Variants in KAZN observed in about 807,000 individuals in gnomAD.
The protein encoded by KAZN is kazrin, periplakin interacting protein.
Under a neutral mutation model 87.4 loss-of-function variants are expected in KAZN, and 40 were observed. That is an observed-to-expected ratio of 0.46 (90% CI 0.36 to 0.60). The LOEUF is 0.60. Among genes scored for constraint, KAZN ranks in the 20% least tolerant of loss-of-function variants. The pLI is 0.00. For synonymous variants in KAZN, 466 were observed against 458.3 expected (o/e 1.02, Z -0.22); for missense variants, 898 against 1,073.9 (o/e 0.84, Z 2.29).
chr1:14,381,065 T>A (rs558709885), intron 2 of KAZN, among the ~76,000 whole-genome samples: 1 of 152,282 alleles, frequency 6.6e-6, no homozygotes, highest in African/African-American at 2.4e-5. Context: ...CCCATGGCCA[T>A]CATCCCACAG....
chr1:14,518,053 G>A (rs1011515071), intron 2 of KAZN, among the ~76,000 whole-genome samples: 1 of 152,116 alleles, frequency 6.6e-6, no homozygotes, highest in African/African-American at 2.4e-5. Context: ...CCCAAGGTCT[G>A]CCACTGACTG....
At chr1:14,887,587 T>C (rs915316276) in intron 1 of KAZN, among the ~76,000 whole-genome samples, 1 of 152,080 alleles carries the variant, frequency 6.6e-6, no homozygotes, top group African/African-American at 2.4e-5. Flanking sequence ...GGAAAAAACA[T>C]GCAACCTTCC....
intron 1 of KAZN, among the ~76,000 whole-genome samples, chr1:14,787,277 C>T (rs971501822): frequency 6.6e-6 from 1 of 152,154 alleles, no homozygotes; most frequent in Non-Finnish European, 1.5e-5. Flanking sequence ...CTGAGAGGTA[C>T]GACACTAAGA....
chr1:14,797,067 T>C lies in KAZN; in HGVS notation c.227-163617T>C, dbSNP rs566950524. Among the ~76,000 whole-genome samples the C allele has an allele frequency of 1.9e-4, 29 of 152,132 alleles. No individual in the cohort carries two copies. In the South Asian group the frequency reaches 5.2e-3, roughly 27 times the overall value. On this transcript the variant is annotated intron_variant, in intron 1 of 14. Coordinates refer to ENST00000376030, the MANE Select transcript of KAZN (RefSeq NM_201628.3). ...GGTGCTGGGTTTTTTTGTTTTTTGGTTTTTGTTTTTCAGATGGAGTTTTGC... is the reference window on the plus strand; with the variant it reads ...GGTGCTGGGTTTTTTTGTTTTTTGGCTTTTGTTTTTCAGATGGAGTTTTGC...
At chr1:14,897,414 T>G (rs903389051) in intron 1 of KAZN, among the ~76,000 whole-genome samples, 2 of 152,232 alleles carry the variant, frequency 1.3e-5, no homozygotes, top group African/African-American at 4.8e-5. Flanking sequence ...CTCAGACTTT[T>G]GTTCCCAGAA....
chr1:14,270,949 C>T (rs1447621844), intron 2 of KAZN, among the ~76,000 whole-genome samples: 2 of 152,180 alleles, frequency 1.3e-5, no homozygotes, highest in African/African-American at 4.8e-5. Flanking sequence ...ACCCTCATGG[C>T]GCACGGAGAA....
rs1258019059 is a variant in KAZN, at chr1:14,781,293, A to G, written c.227-179391A>G. Among the ~76,000 whole-genome samples the G allele has an allele frequency of 3.9e-5, 6 of 152,348 alleles. No individual in the cohort carries two copies. In the East Asian group the frequency reaches 5.8e-4, roughly 15 times the overall value. On this transcript the variant is annotated intron_variant, in intron 1 of 14. Transcript: ENST00000376030. The stretch of plus-strand genomic sequence containing the variant: ...GCCGAGATCGCGCCACTGCGCTCCA[A>G]CCTGGGCAACAGAGAAAGACTCTGT...
chr1:14,682,313 G>C (rs562955232), intron 1 of KAZN, among the ~76,000 whole-genome samples: 1 of 149,748 alleles, frequency 6.7e-6, no homozygotes, highest in Non-Finnish European at 1.5e-5. Context: ...TTTAAGACAG[G>C]GTCTTGCTCG....
chr1:14,007,681 C>G (rs569211655), intron 1 of KAZN, among the ~76,000 whole-genome samples: 9 of 152,350 alleles, frequency 5.9e-5, no homozygotes, highest in Middle Eastern at 3.4e-3. Flanking sequence ...AAATCACTAG[C>G]AGCATCAAGG....
intron 1 of KAZN, among the ~76,000 whole-genome samples, chr1:14,123,016 A>G (rs1256016816): frequency 2.0e-5 from 3 of 152,208 alleles, no homozygotes; most frequent in Non-Finnish European, 4.4e-5. Context: ...GTTGGCAGAG[A>G]TAATTTTAAA....
intron 1 of KAZN, among the ~76,000 whole-genome samples, chr1:14,014,780 C>A (rs1486045519): frequency 8.5e-5 from 13 of 152,082 alleles, no homozygotes; most frequent in African/African-American, 1.2e-4. Flanking sequence ...GAAAGTGGAG[C>A]CCTGTTTAAA....
intron 1 of KAZN, among the ~76,000 whole-genome samples, chr1:14,061,545 C>G (rs940659082): frequency 1.3e-5 from 2 of 152,166 alleles, no homozygotes; most frequent in Non-Finnish European, 2.9e-5. Flanking sequence ...GGCAAGCAGA[C>G]CCACATCCCA....
At chr1:14,796,888 T>A (rs1645844635) in intron 1 of KAZN, among the ~76,000 whole-genome samples, 1 of 152,152 alleles carries the variant, frequency 6.6e-6, no homozygotes, top group Admixed American at 6.5e-5. Context: ...AAGACCTGAG[T>A]CCACTCAGTG....
At chr1:14,147,145 A>G (rs983329347) in intron 1 of KAZN, among the ~76,000 whole-genome samples, 1 of 152,194 alleles carries the variant, frequency 6.6e-6, no homozygotes, top group Non-Finnish European at 1.5e-5. Flanking sequence ...TACATAACAC[A>G]AAATATGTGT....
chr1:14,289,308 G>A (rs1486679640), intron 2 of KAZN, among the ~76,000 whole-genome samples: 1 of 152,132 alleles, frequency 6.6e-6, no homozygotes, highest in Admixed American at 6.5e-5. Context: ...ATTATTGTGT[G>A]GGAGTCTAAG....
chr1:14,672,120 C>T (rs751095409), intron 1 of KAZN, among the ~76,000 whole-genome samples: 1 of 151,870 alleles, frequency 6.6e-6, no homozygotes, highest in African/African-American at 2.4e-5. Flanking sequence ...ATTTATGAAG[C>T]CCAAGCTGGC....
intron 2 of KAZN, among the ~76,000 whole-genome samples, chr1:14,559,951 G>T (rs369285806): frequency 1.3e-5 from 2 of 152,188 alleles, no homozygotes; most frequent in East Asian, 1.9e-4. Context: ...TTGCTATGCA[G>T]CAAAATTAGA....
At chr1:14,284,074 A>G (rs1180429223) in intron 2 of KAZN, among the ~76,000 whole-genome samples, 1 of 151,418 alleles carries the variant, frequency 6.6e-6, no homozygotes, top group Non-Finnish European at 1.5e-5. Flanking sequence ...TAGAGAAAAT[A>G]GATCAGTAAC....
intron 2 of KAZN, chr1:14,222,028 T>A: frequency 6.6e-6 from 1 of 152,186 alleles, no homozygotes; most frequent in East Asian, 1.9e-4. Context: ...TATAAGCTGG[T>A]TGCTTTCTTC....
Sources: allele counts gnomAD v4.1 joint callset (sites outside exome capture counted in the v4.1 genomes callset), GRCh38; gene constraint gnomAD v4.1.1; transcripts MANE v1.5; gene names NCBI Gene and HGNC (gene_info 2026-07-23, HGNC 2026-07-21).